DISC1: variants seen among roughly 807,000 people sequenced by gnomAD.
DISC1 encodes disrupted in schizophrenia 1 protein.
Under a neutral mutation model 84.5 loss-of-function variants are expected in DISC1, and 57 were observed. That is an observed-to-expected ratio of 0.67 (90% CI 0.55 to 0.84). DISC1 has a LOEUF of 0.84. Among genes scored for constraint, DISC1 ranks in the 40% least tolerant of loss-of-function variants. DISC1 has a pLI of 0.00. For synonymous variants in DISC1, 411 were observed against 415.2 expected, an observed-to-expected ratio of 0.99 and a Z score of 0.12; for missense variants, 1,000 against 1,057.8, an observed-to-expected ratio of 0.95 and a Z score of 0.76.
At chr1:231,732,747 G>T (rs929047802) in intron 3 of DISC1, among the ~76,000 whole-genome samples, 4 of 152,164 alleles carry the variant, frequency 2.6e-5, no homozygotes, top group Admixed American at 1.3e-4. Flanking sequence ...TTAATAAACA[G>T]GTAGAAAGTT....
intron 1 of DISC1, among the ~76,000 whole-genome samples, chr1:231,629,180 A>G (rs1400986471): frequency 6.6e-6 from 1 of 152,236 alleles, no homozygotes; most frequent in Non-Finnish European, 1.5e-5. Flanking sequence ...AATGATGACA[A>G]TTTGCAGAAA....
At chr1:232,003,088 G>C (rs1382803013) in intron 10 of DISC1, among the ~76,000 whole-genome samples, 1 of 152,028 alleles carries the variant, frequency 6.6e-6, no homozygotes, top group Non-Finnish European at 1.5e-5. Context: ...AAAAAAAGAA[G>C]GGAATTTTTT....
chr1:231,863,287 G>A (rs1458878550), intron 9 of DISC1, among the ~76,000 whole-genome samples: 1 of 130,000 alleles, frequency 7.7e-6, no homozygotes, highest in Non-Finnish European at 1.6e-5. Context: ...ATGGAGTGCT[G>A]TGGTGCGATC....
intron 9 of DISC1, among the ~76,000 whole-genome samples, chr1:231,952,090 CAAAAAAAAAAAAAA>C (rs11392611): frequency 3.7e-5 from 2 of 54,244 alleles, no homozygotes; most frequent in African/African-American, 1.2e-4. Context: ...CTCAATGTCT[CAAAAAAAAAAAAAA>C]AAAAAAAAAG....
rs1670650784 is a variant in DISC1 at position 232,038,405 on chromosome 1, C to G, written c.*1574C>G. 1 of 152,096 alleles carries G rather than the reference C, an allele frequency of 6.6e-6. No homozygotes were observed. Among genetic ancestry groups the G allele is most frequent in the South Asian group, 2.1e-4 (1 of 4,818 alleles). The allele number at this position is 152,096 out of a possible 1,614,324, so 9.4% of individuals were successfully genotyped here. A position where few individuals can be genotyped will look rare whatever the true frequency, so the allele number is the denominator to read the frequency against. ...GGAAGGTGGCCCCAAGAGAAGCTCT[C>G]TAAACAAAGGAGTACCCTCTCTGGT... is the stretch of plus-strand genomic sequence containing the variant. On this transcript the variant is annotated 3_prime_UTR_variant, in exon 13 of 13. Coordinates refer to ENST00000439617, the MANE Select transcript of DISC1 (RefSeq NM_018662.3).
At chr1:231,713,826 G>GAT (rs1181184671) in intron 3 of DISC1, among the ~76,000 whole-genome samples, 4 of 140,974 alleles carry the variant, frequency 2.8e-5, no homozygotes, top group African/African-American at 7.9e-5. Flanking sequence ...ATATATAGGA[G>GAT]AGATATATAT....
chr1:231,799,577 C>T (rs1460936554), intron 7 of DISC1, among the ~76,000 whole-genome samples: 1 of 151,850 alleles, frequency 6.6e-6, no homozygotes, highest in East Asian at 2.0e-4. Flanking sequence ...CCTTTCCTCC[C>T]AGGCAGCGAC....
intron 5 of DISC1, among the ~76,000 whole-genome samples, chr1:231,767,914 A>T (rs952732676): frequency 1.3e-5 from 2 of 152,206 alleles, no homozygotes; most frequent in Non-Finnish European, 2.9e-5. Flanking sequence ...AAAATCCTTT[A>T]TGGAAATTCC....
intron 9 of DISC1, among the ~76,000 whole-genome samples, chr1:231,873,381 C>G (rs972134509): frequency 8.5e-5 from 13 of 152,222 alleles, no homozygotes; most frequent in Non-Finnish European, 1.6e-4. Context: ...AGCCTGATAG[C>G]AGTCAAAAGA....
At chr1:231,898,270 TATAAC>T (rs138421618) in intron 9 of DISC1, among the ~76,000 whole-genome samples, 3,291 of 152,302 alleles carry the variant, frequency 0.022, 52 homozygotes, top group Non-Finnish European at 0.032. Context: ...GCCCTAAAAA[TATAAC>T]ATACTGATTC....
At chr1:232,017,480 C>CTT (rs56672398) in intron 11 of DISC1, among the ~76,000 whole-genome samples, 9 of 132,804 alleles carry the variant, frequency 6.8e-5, no homozygotes, top group East Asian at 2.2e-4. Context: ...AACACCTGTC[C>CTT]TTTTTTTTTT....
chr1:231,710,327 C>G (rs2067653599), intron 3 of DISC1, among the ~76,000 whole-genome samples: 1 of 152,094 alleles, frequency 6.6e-6, no homozygotes, highest in South Asian at 2.1e-4. Flanking sequence ...TGCCTGGGTA[C>G]AGAGCAAGAC....
chr1:231,834,927 G>A (rs2082521089), intron 9 of DISC1, among the ~76,000 whole-genome samples: 1 of 152,196 alleles, frequency 6.6e-6, no homozygotes, highest in African/African-American at 2.4e-5. Context: ...CGTGAACAGC[G>A]CCAGAGTTTT....
Position 231,907,141 on chromosome 1 carries a change from CTT to C in DISC1, c.1982-51685_1982-51684del, listed in dbSNP as rs1491367491. On this transcript the variant is annotated intron_variant, in intron 9 of 12. Coordinates refer to ENST00000439617, the MANE Select transcript of DISC1 (RefSeq NM_018662.3). The stretch of plus-strand genomic sequence containing the variant: ...TTCCTTCCTTCCTTCCTCTTTCTTT[CTT>C]TCTTTCTTTCTTTCTTTCTTTCTTT... Among the ~76,000 whole-genome samples the C allele has an allele frequency of 7.7e-4, 62 of 80,544 alleles. 1 individual carries two copies. Among genetic ancestry groups the C allele is most frequent in the Non-Finnish European group, 9.6e-4 (36 of 37,372 alleles). The allele number at this position is 80,544 out of a possible 152,430, so 52.8% of individuals were successfully genotyped here.
intron 6 of DISC1, among the ~76,000 whole-genome samples, chr1:231,780,737 A>G (rs550951700): frequency 4.4e-5 from 4 of 89,890 alleles, no homozygotes; most frequent in Non-Finnish European, 8.9e-5. Context: ...ATTATTCACA[A>G]TAGCAAAGAC....
intron 11 of DISC1, among the ~76,000 whole-genome samples, chr1:232,023,806 A>G (rs981987783): frequency 6.6e-6 from 1 of 152,016 alleles, no homozygotes; most frequent in Non-Finnish European, 1.5e-5. Flanking sequence ...TTTCAGTCAT[A>G]TATATTTTCC....
chr1:231,759,179 A>G (rs762031391), intron 4 of DISC1, among the ~76,000 whole-genome samples: 1 of 152,068 alleles, frequency 6.6e-6, no homozygotes, highest in Non-Finnish European at 1.5e-5. Flanking sequence ...CCTCTGGCCA[A>G]TTGCTCCTCA....
intron 3 of DISC1, among the ~76,000 whole-genome samples, chr1:231,718,004 T>C (rs566582754): frequency 6.6e-6 from 1 of 152,256 alleles, no homozygotes; most frequent in Non-Finnish European, 1.5e-5. Flanking sequence ...CCTATTACAA[T>C]GAATGGCAAG....
At chr1:231,843,314 G>A (rs1223503755) in intron 9 of DISC1, among the ~76,000 whole-genome samples, 1 of 152,194 alleles carries the variant, frequency 6.6e-6, no homozygotes, top group Admixed American at 6.5e-5. Flanking sequence ...GGGTGGAGGA[G>A]TGGGGAGAGC....
Sources: allele counts gnomAD v4.1 joint callset (sites outside exome capture counted in the v4.1 genomes callset), GRCh38; gene constraint gnomAD v4.1.1; transcripts MANE v1.5; gene names NCBI Gene and HGNC (gene_info 2026-07-23, HGNC 2026-07-21).